Variants in DNAH14 observed in about 807,000 individuals in gnomAD.
The protein encoded by DNAH14 is dynein axonemal heavy chain 14, also known as axonemal beta dynein heavy chain 14.
In DNAH14, 478 loss-of-function variants were observed where a neutral mutation model predicts 520.9. The ratio of observed to expected loss-of-function variants is 0.92; its 90% CI spans 0.85 to 0.99. The LOEUF is 0.99. Among genes scored for constraint, DNAH14 ranks in the 50% least tolerant of loss-of-function variants. The pLI, the probability that DNAH14 is intolerant of heterozygous loss-of-function variation, is 0.00. For synonymous variants in DNAH14, 1,581 were observed against 1,757.2 expected, an observed-to-expected ratio of 0.90 and a Z score of 2.51; for missense variants, 4,831 against 5,234.5, an observed-to-expected ratio of 0.92 and a Z score of 2.38.
At chr1:225,133,575 A>G (rs927622489) in intron 27 of DNAH14, among the ~76,000 whole-genome samples, 2 of 152,112 alleles carry the variant, frequency 1.3e-5, no homozygotes, top group East Asian at 1.9e-4. Flanking sequence ...GTTCTGTTAC[A>G]TTGGTCTATG....
At chr1:225,106,712 C>T (rs1186141667) in intron 23 of DNAH14, among the ~76,000 whole-genome samples, 1 of 152,148 alleles carries the variant, frequency 6.6e-6, no homozygotes, top group Non-Finnish European at 1.5e-5. Flanking sequence ...AGTTCTTGTG[C>T]CTTGGTTTTC....
At chr1:224,934,780 A>G (rs190201802) in intron 1 of DNAH14, among the ~76,000 whole-genome samples, 2 of 152,068 alleles carry the variant, frequency 1.3e-5, no homozygotes, top group Non-Finnish European at 2.9e-5. Flanking sequence ...CACCAAGAGA[A>G]AAGATCCTTG....
In DNAH14 at chr1:225,080,500, A is replaced by G; in HGVS notation, c.2888A>G (p.Gln963Arg). Residue 963 changes from glutamine (Q) to arginine (R), a missense_variant, in exon 19 of 86, where the codon CAG (glutamine) becomes CGG (arginine). By Grantham distance (43) the Gln-to-Arg change is conservative (BLOSUM62 1). Transcript: ENST00000682510. The stretch of plus-strand genomic sequence containing the variant: ...AAAGCTAAAGCATATTCACATTATC[A>G]GGATTGTTTCAGTGATTCTCAATCT... ...TNKAKAYSHY[Q>R]DCFSDSQSHM... The G allele has an allele frequency of 6.4e-7, 1 of 1,551,862 alleles. No homozygotes were observed.
At chr1:225,226,717 G>A (rs1383573760) in intron 41 of DNAH14, among the ~76,000 whole-genome samples, 2 of 152,166 alleles carry the variant, frequency 1.3e-5, no homozygotes, top group Non-Finnish European at 1.5e-5. Flanking sequence ...GGGCCCAGGG[G>A]ACCGGCGCTC....
chr1:225,097,850 A>G (rs2075125057), intron 22 of DNAH14, among the ~76,000 whole-genome samples: 1 of 152,142 alleles, frequency 6.6e-6, no homozygotes, highest in African/African-American at 2.4e-5. Flanking sequence ...CTGGAATATT[A>G]GTGTGGTTTT....
intron 8 of DNAH14, among the ~76,000 whole-genome samples, chr1:224,979,925 C>T (rs911321507): frequency 2.0e-5 from 3 of 152,114 alleles, no homozygotes; most frequent in African/African-American, 7.2e-5. Context: ...GGGAAGGACC[C>T]AGTTCTGGCA....
At chr1:225,224,480 T>G (rs74420319) in intron 41 of DNAH14, among the ~76,000 whole-genome samples, 16,917 of 152,058 alleles carry the variant, frequency 0.11, 1,468 homozygotes, top group East Asian at 0.23. Context: ...AGGCCACAGA[T>G]GATGCAGTCA....
At chr1:225,060,256 C>T (rs2069840941) in intron 17 of DNAH14, among the ~76,000 whole-genome samples, 1 of 152,040 alleles carries the variant, frequency 6.6e-6, no homozygotes, top group African/African-American at 2.4e-5. Flanking sequence ...TACTTCATTG[C>T]ATTCATTTGA....
chr1:225,239,866 A>G (rs2091862010), intron 42 of DNAH14, among the ~76,000 whole-genome samples: 1 of 152,236 alleles, frequency 6.6e-6, no homozygotes, highest in Admixed American at 6.5e-5. Context: ...TAGGTTTTTC[A>G]CAATTTATAA....
rs1305077074 is a variant in DNAH14 at position 225,140,914 on chromosome 1, A to C, written c.4401A>C (p.Thr1467=). ...LVVLDTSNSR[T]KAILGALLIL... is the part of the protein sequence containing the mutation. ...TGCTGGATACTAGTAACTCTCGAAC[A>C]AAAGCTATACTAGGGGCATTGCTTA... Residue 1467 remains threonine, a synonymous_variant, in exon 28 of 86, where the codon ACA becomes ACC. Coordinates refer to ENST00000682510, the MANE Select transcript of DNAH14 (RefSeq NM_001367479.1). 6.4e-7 allele frequency: 1 copy of C among 1,551,322 alleles called. No homozygotes were observed. Among genetic ancestry groups the C allele is most frequent in the Non-Finnish European group, 8.7e-7 (1 of 1,146,932 alleles).
At chr1:225,097,549 G>A (rs1474917830) in intron 22 of DNAH14, among the ~76,000 whole-genome samples, 1 of 152,116 alleles carries the variant, frequency 6.6e-6, no homozygotes, top group Non-Finnish European at 1.5e-5. Context: ...TGAGGCAGGT[G>A]GATCACTTGA....
Position 225,042,955 on chromosome 1 carries a change from T to G in DNAH14, c.1609T>G (p.Phe537Val), listed in dbSNP as rs1226101690. ...TTCTTCAGAAAATTCTAAAGAGAAC[T>G]TTCATGAGTCTGACCAGTGCCCTGA... ...SDSSENSKEN[F>V]HESDQCPEEC... Residue 537 changes from phenylalanine to valine, a missense_variant, in exon 13 of 86, where the codon TTT becomes GTT. Phe to Val is a conservative substitution (Grantham distance 50). Coordinates refer to ENST00000682510, the MANE Select transcript of DNAH14 (RefSeq NM_001367479.1). 5.4e-5 allele frequency: 84 copies of G among 1,551,828 alleles called. No homozygotes were observed. Among genetic ancestry groups the G allele is most frequent in the Non-Finnish European group, 7.1e-5 (81 of 1,147,052 alleles).
intron 35 of DNAH14, among the ~76,000 whole-genome samples, chr1:225,160,787 CTGATA>C (rs2081438032): frequency 6.6e-6 from 1 of 152,030 alleles, no homozygotes; most frequent in Non-Finnish European, 1.5e-5. Flanking sequence ...GTCTGTTTAT[CTGATA>C]TATTATTTTT....
intron 17 of DNAH14, among the ~76,000 whole-genome samples, chr1:225,064,277 T>C (rs188538282): frequency 2.8e-4 from 42 of 152,178 alleles, no homozygotes; most frequent in Admixed American, 6.5e-4. Flanking sequence ...CAATATCAGA[T>C]GTTAAAAAGG....
intron 41 of DNAH14, among the ~76,000 whole-genome samples, chr1:225,212,446 A>G (rs1454963510): frequency 6.6e-6 from 1 of 151,998 alleles, no homozygotes; most frequent in Non-Finnish European, 1.5e-5. Context: ...GGGTCAAATG[A>G]TATTTCTAGT....
chr1:225,207,880 A>T (rs952505410), intron 41 of DNAH14, among the ~76,000 whole-genome samples: 3 of 152,156 alleles, frequency 2.0e-5, no homozygotes, highest in Admixed American at 2.0e-4. Flanking sequence ...TGAATAGGAG[A>T]TAAAGTGGAA....
At chr1:225,345,843 G>A (rs2095278182) in intron 69 of DNAH14, 119 bp from the exon 70 acceptor site, 2 of 762,096 alleles carry the variant, frequency 2.6e-6, no homozygotes, top group Non-Finnish European at 4.0e-6. Context: ...GCCCGTCTCT[G>A]ACATAAAGCC....
intron 66 of DNAH14, among the ~76,000 whole-genome samples, chr1:225,336,771 C>T (rs2095064295): frequency 6.6e-6 from 1 of 152,156 alleles, no homozygotes; most frequent in Admixed American, 6.5e-5. Flanking sequence ...TAACCTTAGT[C>T]AAGTATCTAA....
chr1:224,973,869 C>CT (rs2061649085), intron 7 of DNAH14, among the ~76,000 whole-genome samples: 2 of 152,168 alleles, frequency 1.3e-5, no homozygotes, highest in Admixed American at 1.3e-4. Flanking sequence ...AATCCTGTAT[C>CT]TATGAGAATT....
Sources: gnomAD v4.1 joint callset for allele counts (sites outside exome capture counted in the v4.1 genomes callset) on GRCh38, gnomAD v4.1.1 for gene constraint, MANE v1.5 for transcripts, NCBI Gene and HGNC (gene_info 2026-07-23, HGNC 2026-07-21) for gene names.